The following UNC13C variants were observed in gnomAD, a reference collection of about 807,000 sequenced individuals.
UNC13C encodes unc-13 homolog C.
UNC13C carries 174 observed loss-of-function variants against 245.4 expected under a neutral mutation model. That is an observed-to-expected ratio of 0.71 (90% CI 0.63 to 0.80). The LOEUF is 0.80. UNC13C is among the 30% of genes least tolerant of loss of function. UNC13C has a pLI of 0.00. For missense variants in UNC13C, 2,829 were observed against 2,602.9 expected (o/e 1.09, Z -1.89); for synonymous variants, 992 against 895.1 (o/e 1.11, Z -1.93).
At chr15:54,564,688 G>A (rs1897433054) in intron 29 of UNC13C, among the ~76,000 whole-genome samples, 1 of 151,874 alleles carries the variant, frequency 6.6e-6, no homozygotes, top group African/African-American at 2.4e-5. Flanking sequence ...CAGTGATATA[G>A]GTGTCCTATG....
At chr15:54,435,379 C>A (rs973401730) in intron 19 of UNC13C, among the ~76,000 whole-genome samples, 5 of 152,030 alleles carry the variant, frequency 3.3e-5, no homozygotes, top group Non-Finnish European at 5.9e-5. Flanking sequence ...ACATATACAC[C>A]ATGGAATACA....
chr15:53,935,865 A>AC, the UNC13C span, among the ~76,000 whole-genome samples: 2 of 152,094 alleles, frequency 1.3e-5, no homozygotes, highest in African/African-American at 2.4e-5. Context: ...GGTCCAAAGC[A>AC]CAGAGATGTG....
rs752387489 is a variant in UNC13C, at chr15:54,274,667, C to CTTTAT, written c.3818+9174_3818+9175insATTTT. 3.4e-4 allele frequency among the ~76,000 whole-genome samples: 31 copies of CTTTAT among 91,582 alleles called. 2 individuals are homozygous for CTTTAT. Among genetic ancestry groups the CTTTAT allele is most frequent in the Admixed American group, 1.9e-3 (13 of 6,828 alleles). The allele number at this position is 91,582 out of a possible 152,430, so 60.1% of individuals were successfully genotyped here. The stretch of plus-strand genomic sequence containing the variant: ...ATGGTTAAAAAGCTAATAAAGTAGA[C>CTTTAT]TTTTTTTTTTTTTTTTTTTTTTGAG... On this transcript the variant is annotated intron_variant, in intron 10 of 32. Coordinates refer to ENST00000260323, the MANE Select transcript of UNC13C (RefSeq NM_001080534.3).
intron 19 of UNC13C, among the ~76,000 whole-genome samples, chr15:54,448,676 G>A (rs545211867): frequency 1.3e-5 from 2 of 152,110 alleles, no homozygotes; most frequent in African/African-American, 2.4e-5. Context: ...GTCTCTGCAC[G>A]TGTGATGGGT....
At chr15:54,062,267 C>T (rs147861146) in intron 2 of UNC13C, among the ~76,000 whole-genome samples, 2,053 of 150,282 alleles carry the variant, frequency 0.014, 25 homozygotes, top group Non-Finnish European at 0.018. Context: ...TGCAGTGAGC[C>T]GAGATCGCCC....
chr15:54,357,636 G>A (rs2039125813), intron 17 of UNC13C, among the ~76,000 whole-genome samples: 1 of 152,002 alleles, frequency 6.6e-6, no homozygotes, highest in Non-Finnish European at 1.5e-5. Flanking sequence ...AGCCTCTAAA[G>A]TTAGCATAAA....
At chr15:54,399,818 T>A (rs1172200601) in intron 18 of UNC13C, among the ~76,000 whole-genome samples, 1 of 151,982 alleles carries the variant, frequency 6.6e-6, no homozygotes, top group East Asian at 1.9e-4. Flanking sequence ...TTTAAGCGAC[T>A]TTGATCAGGG....
the UNC13C span, among the ~76,000 whole-genome samples, chr15:53,953,628 C>A: frequency 6.6e-6 from 1 of 152,190 alleles, no homozygotes. Context: ...GAGGCAATGG[C>A]TCAGAGGCAG....
At position 54,321,849 on chromosome 15, in the gene UNC13C, GT is replaced by G. The variant is rs2038168399; in HGVS notation, c.4269-89del. The G allele has an allele frequency of 2.4e-6, 3 of 1,236,662 alleles. No individual in the cohort carries two copies. In the Admixed American group the frequency reaches 8.5e-5, roughly 35 times the overall value. The allele number at this position is 1,236,662 out of a possible 1,614,324, so 76.6% of individuals were successfully genotyped here. The stretch of plus-strand genomic sequence containing the variant: ...TTCTCTCCTTTTCATAGATGTAGCT[GT>G]GGAATTAATTGCTGATGTTAGAAGC... On this transcript the variant is annotated intron_variant, in intron 13 of 32. Transcript: ENST00000260323.
chr15:54,015,208 G>A lies in UNC13C; in HGVS notation c.2305G>A (p.Asp769Asn). Reference sequence around the variant, plus strand: ...TCGAAGTCAAAGTGAATTGCAAAGTGATGATTCAGAGGATGCCCCACCCAA... The same window carrying A: ...TCGAAGTCAAAGTGAATTGCAAAGTAATGATTCAGAGGATGCCCCACCCAA... Reference protein sequence around the residue: ...MYRSQSELQSDDSEDAPPKSW... With the variant: ...MYRSQSELQSNDSEDAPPKSW... Residue 769 changes from aspartate to asparagine, a missense_variant, in exon 2 of 33, where the codon GAT becomes AAT. Asp to Asn is a conservative substitution (Grantham distance 23). Transcript: ENST00000260323. 4 of 1,613,202 alleles carry A rather than the reference G, an allele frequency of 2.5e-6. No homozygotes were observed. Among genetic ancestry groups the A allele is most frequent in the Non-Finnish European group, 3.4e-6 (4 of 1,179,622 alleles).
At chr15:53,975,364 G>C (rs1311911987), upstream of UNC13C, among the ~76,000 whole-genome samples, 1 of 152,064 alleles carries the variant, frequency 6.6e-6, no homozygotes, top group Non-Finnish European at 1.5e-5. Flanking sequence ...ATTTTTCTCC[G>C]TAATTATCTG....
intron 13 of UNC13C, among the ~76,000 whole-genome samples, chr15:54,314,057 A>C (rs1207145213): frequency 6.7e-6 from 1 of 148,224 alleles, no homozygotes; most frequent in African/African-American, 2.5e-5. Context: ...GCATAATCTC[A>C]CTTATATGTG....
intron 16 of UNC13C, among the ~76,000 whole-genome samples, chr15:54,337,644 T>C (rs1596245342): frequency 5.3e-5 from 8 of 152,340 alleles, no homozygotes; most frequent in Admixed American, 5.2e-4. Flanking sequence ...TCAAGCATCA[T>C]CTTCTCTAGA....
intron 4 of UNC13C, among the ~76,000 whole-genome samples, chr15:54,198,904 T>C (rs1228071282): frequency 6.6e-6 from 1 of 151,838 alleles, no homozygotes; most frequent in Admixed American, 6.6e-5. Context: ...AGGTTAATTG[T>C]GAAGAGAAAG....
chr15:54,538,223 A>C (rs1009701093), intron 26 of UNC13C, among the ~76,000 whole-genome samples: 2 of 151,020 alleles, frequency 1.3e-5, no homozygotes, highest in Non-Finnish European at 1.5e-5. Context: ...ACATACAAGC[A>C]GCTAACAAGC....
intron 10 of UNC13C, among the ~76,000 whole-genome samples, chr15:54,277,895 T>C (rs758690297): frequency 7.2e-5 from 11 of 152,140 alleles, no homozygotes; most frequent in Non-Finnish European, 1.2e-4. Context: ...AGCTGATAAA[T>C]TGATGAACTG....
the UNC13C span, among the ~76,000 whole-genome samples, chr15:53,934,694 T>C: frequency 6.6e-6 from 1 of 152,194 alleles, no homozygotes; most frequent in Non-Finnish European, 1.5e-5. Context: ...CAGATACTCA[T>C]TTCTCATAGT....
chr15:54,099,153 G>A (rs999682554), intron 2 of UNC13C, among the ~76,000 whole-genome samples: 3 of 152,216 alleles, frequency 2.0e-5, no homozygotes, highest in Non-Finnish European at 4.4e-5. Context: ...TTTGTCAAGA[G>A]TAGAACCAAA....
rs530811920 is a variant in UNC13C, at chr15:54,089,607, C to T, written c.2984-53411C>T. On this transcript the variant is annotated intron_variant, in intron 2 of 32. Coordinates refer to ENST00000260323, the MANE Select transcript of UNC13C (RefSeq NM_001080534.3). Reference sequence around the variant, plus strand: ...GGCCTTCCCATGTTATTTTCTATTTCCTAAATTTTCAATTAATCCAGTGAA... The same window carrying T: ...GGCCTTCCCATGTTATTTTCTATTTTCTAAATTTTCAATTAATCCAGTGAA... Among the ~76,000 whole-genome samples, 23 of 151,408 alleles carry T rather than the reference C, an allele frequency of 1.5e-4. No homozygotes were observed. The South Asian group carries it at 4.8e-3, about 32-fold the overall frequency.
Sources: allele counts gnomAD v4.1 joint callset (sites outside exome capture counted in the v4.1 genomes callset), GRCh38; gene constraint gnomAD v4.1.1; transcripts MANE v1.5; gene names NCBI Gene and HGNC (gene_info 2026-07-23, HGNC 2026-07-21).